Variants in BPHL observed in about 807,000 individuals in gnomAD.
BPHL encodes the protein serine hydrolase BPHL.
A neutral mutation model predicts 31.2 loss-of-function variants in BPHL; 27 were observed. The ratio of observed to expected loss-of-function variants is 0.87; its 90% CI spans 0.64 to 1.19. The LOEUF is 1.19. Among genes scored for constraint, BPHL ranks in the 50% most tolerant of loss-of-function variants. BPHL has a pLI of 0.00. For missense variants in BPHL, 356 were observed against 375.7 expected (o/e 0.95, Z 0.43); for synonymous variants, 150 against 146.8 (o/e 1.02, Z -0.16).
intron 6 of BPHL, among the ~76,000 whole-genome samples, chr6:3,144,447 G>A (rs1762271518): frequency 6.8e-6 from 1 of 147,324 alleles, no homozygotes; most frequent in Non-Finnish European, 1.5e-5. Context: ...GTGCAGTGGT[G>A]TGATCACGGC....
intron 2 of BPHL, among the ~76,000 whole-genome samples, chr6:3,126,586 CT>C (rs551046674): frequency 0.058 from 8,171 of 140,946 alleles, 680 homozygotes; most frequent in African/African-American, 0.19. Flanking sequence ...AGCGCGCCTC[CT>C]TTTTTTTTTT....
chr6:3,119,187 C>A, intron 1 of BPHL: 1 of 1,152,890 alleles, frequency 8.7e-7, no homozygotes, highest in Non-Finnish European at 1.2e-6. Flanking sequence ...CGTGACGGAG[C>A]ACGGACTAGA....
At chr6:3,123,419 A>C (rs920206966) in intron 1 of BPHL, among the ~76,000 whole-genome samples, 6 of 152,196 alleles carry the variant, frequency 3.9e-5, no homozygotes, top group Non-Finnish European at 7.3e-5. Flanking sequence ...AGGTGTAGTG[A>C]TCAGATCAGT....
intron 2 of BPHL, among the ~76,000 whole-genome samples, chr6:3,124,556 G>A (rs749278099): frequency 2.7e-5 from 4 of 150,726 alleles, no homozygotes; most frequent in African/African-American, 5.0e-5. Flanking sequence ...TGGAAGCTAC[G>A]CATGTTCTCC....
intron 1 of BPHL, among the ~76,000 whole-genome samples, chr6:3,122,958 C>T (rs1417511205): frequency 2.6e-5 from 4 of 152,312 alleles, no homozygotes; most frequent in Non-Finnish European, 5.9e-5. Flanking sequence ...TGAGTGCAGA[C>T]GAGTGACTCC....
chr6:3,141,967 C>T (rs961476193), intron 6 of BPHL, among the ~76,000 whole-genome samples: 1 of 151,724 alleles, frequency 6.6e-6, no homozygotes, highest in East Asian at 1.9e-4. Flanking sequence ...AGTGAGACTC[C>T]GTCTCAGAAA....
At position 3,123,768 on chromosome 6, in the gene BPHL, T is replaced by C. The variant is rs2113746265; in HGVS notation, c.211+8T>C. The C allele has an allele frequency of 6.2e-7, 1 of 1,604,480 alleles. No individual in the cohort carries two copies. On this transcript the variant is annotated splice_region_variant and intron_variant, in intron 2 of 6. Coordinates refer to ENST00000380379, the MANE Select transcript of BPHL (RefSeq NM_004332.4). ...TACTTCCTGGGATGTTAGGTCTGGG[T>C]ACTTTTTAATGGAATGTTTTTGCAT... is the stretch of plus-strand genomic sequence containing the variant.
chr6:3,147,859 G>A (rs58825015), intron 6 of BPHL, among the ~76,000 whole-genome samples: 4 of 152,296 alleles, frequency 2.6e-5, no homozygotes, highest in African/African-American at 9.6e-5. Flanking sequence ...TTGAGACCCA[G>A]GAAGAGCCAA....
intron 6 of BPHL, among the ~76,000 whole-genome samples, chr6:3,145,685 GTCGA>G: frequency 1.5e-5 from 1 of 65,984 alleles, no homozygotes; most frequent in Non-Finnish European, 3.6e-5. Context: ...GCTGGTTTGG[GTCGA>G]GTGCTGGTTC....
At chr6:3,137,809 C>A (rs944286040) in intron 5 of BPHL, among the ~76,000 whole-genome samples, 2 of 152,186 alleles carry the variant, frequency 1.3e-5, no homozygotes, top group Non-Finnish European at 2.9e-5. Context: ...TAAACCGTTT[C>A]TATTTTCTAA....
intron 6 of BPHL, chr6:3,150,103 G>A (rs1762481094): frequency 6.6e-6 from 1 of 152,238 alleles, no homozygotes. Context: ...GAGATCCTGT[G>A]CAAAGATCCA....
chr6:3,139,265 T>A (rs911050026), intron 5 of BPHL: 2 of 152,270 alleles, frequency 1.3e-5, no homozygotes, highest in African/African-American at 4.8e-5. Flanking sequence ...ACAGAAGTCC[T>A]TAATGAACAA....
rs530073006 is a variant in BPHL at position 3,130,203 on chromosome 6, C to A, written c.532+1005C>A. On this transcript the variant is annotated intron_variant, in intron 4 of 6. Coordinates refer to ENST00000380379, the MANE Select transcript of BPHL (RefSeq NM_004332.4). ...ACTTTTGTGCAGCCCACGTACCAAT[C>A]GAGGTGGCTAGTGCTGTGAGTCACA... Among the ~76,000 whole-genome samples, 7 of 152,348 alleles carry A rather than the reference C, an allele frequency of 4.6e-5. No homozygotes were observed. In the South Asian group the frequency reaches 1.4e-3, roughly 32 times the overall value.
At chr6:3,150,671 G>C (rs1762497886) in intron 6 of BPHL, among the ~76,000 whole-genome samples, 2 of 152,336 alleles carry the variant, frequency 1.3e-5, no homozygotes, top group Non-Finnish European at 2.9e-5. Context: ...ACTTGGGTGA[G>C]AATCTAGAGC....
chr6:3,130,258 C>G (rs969036611), intron 4 of BPHL, among the ~76,000 whole-genome samples: 9 of 152,214 alleles, frequency 5.9e-5, no homozygotes, highest in African/African-American at 1.7e-4. Context: ...CCTTTACCAC[C>G]CAGCATTGCT....
intron 6 of BPHL, among the ~76,000 whole-genome samples, chr6:3,148,293 G>T (rs1333482735): frequency 6.6e-6 from 1 of 152,236 alleles, no homozygotes; most frequent in East Asian, 1.9e-4. Context: ...CCACAGAAGG[G>T]AAGGAAGGGC....
chr6:3,119,573 C>G, intron 1 of BPHL: 1 of 1,601,350 alleles, frequency 6.2e-7, no homozygotes, highest in African/African-American at 1.3e-5. Flanking sequence ...AATGGATACT[C>G]TTGGTCCCAA....
At chr6:3,122,236 C>T (rs1304874319) in intron 1 of BPHL, among the ~76,000 whole-genome samples, 1 of 152,088 alleles carries the variant, frequency 6.6e-6, no homozygotes, top group South Asian at 2.1e-4. Flanking sequence ...GCCGAGATGG[C>T]GCCACTGCAC....
rs1446831621 is a variant in BPHL, at chr6:3,140,962, G to A, written c.788+453G>A. Reference sequence around the variant, plus strand: ...CCAGCCCTACTCAGCACAGTTAATGGTAGTGTTCCCTGTCCCTAAAGCCCC... The same window carrying A: ...CCAGCCCTACTCAGCACAGTTAATGATAGTGTTCCCTGTCCCTAAAGCCCC... On this transcript the variant is annotated intron_variant, in intron 6 of 6. Transcript: ENST00000380379. This position sits in a 1 kb window ranked among gnomAD's most constrained non-coding sequence, Gnocchi z 5.2. Among the ~76,000 whole-genome samples, 2 of 152,210 alleles carry A rather than the reference G, an allele frequency of 1.3e-5. No individual in the cohort carries two copies. Among genetic ancestry groups the A allele is most frequent in the Non-Finnish European group, 2.9e-5 (2 of 68,036 alleles).
Sources: gnomAD v4.1 joint callset for allele counts (sites outside exome capture counted in the v4.1 genomes callset) on GRCh38, gnomAD v4.1.1 for gene constraint, Gnocchi (gnomAD v3.1) non-coding constraint, MANE v1.5 for transcripts, NCBI Gene and HGNC (gene_info 2026-07-23, HGNC 2026-07-21) for gene names.